RFT1: variants seen among roughly 807,000 people sequenced by gnomAD.
The protein encoded by RFT1 is man(5)GlcNAc(2)-PP-dolichol translocation protein RFT1.
Under a neutral mutation model 62.2 loss-of-function variants are expected in RFT1, and 43 were observed. That is an observed-to-expected ratio of 0.69 (90% confidence interval 0.54 to 0.89). The LOEUF (loss-of-function observed/expected upper bound fraction) is 0.89, where lower values mean the gene tolerates loss of function less well. RFT1 is among the 40% of genes least tolerant of loss of function. The pLI, the probability that RFT1 is intolerant of heterozygous loss-of-function variation, is 0.00. For synonymous variants in RFT1, 262 were observed against 264.6 expected, an observed-to-expected ratio of 0.99 and a Z score of 0.10; for missense variants, 605 against 649.9, an observed-to-expected ratio of 0.93 and a Z score of 0.75.
chr3:53,129,761 T>A (rs1428355129), intron 1 of RFT1, among the ~76,000 whole-genome samples: 1 of 152,186 alleles, frequency 6.6e-6, no homozygotes, highest in South Asian at 2.1e-4. Flanking sequence ...GGTACTGTGT[T>A]AAGTACGTTT....
chr3:53,127,286 C>T (rs1221116541), intron 1 of RFT1, among the ~76,000 whole-genome samples: 1 of 152,128 alleles, frequency 6.6e-6, no homozygotes, highest in Non-Finnish European at 1.5e-5. Context: ...GCTCTTCTAT[C>T]TGTTATCTTC....
intron 11 of RFT1, among the ~76,000 whole-genome samples, chr3:53,095,282 T>C (rs1363868464): frequency 6.6e-6 from 1 of 152,148 alleles, no homozygotes; most frequent in Non-Finnish European, 1.5e-5. Flanking sequence ...AATCACTTTT[T>C]AAAATCAAAG....
Position 53,105,660 on chromosome 3 carries a change from G to GAT in RFT1, c.957+12_957+13insAT. On this transcript the variant is annotated intron_variant, in intron 9 of 12. Coordinates refer to ENST00000296292, the MANE Select transcript of RFT1 (RefSeq NM_052859.4). The stretch of plus-strand genomic sequence containing the variant: ...AGAATTCACTTGAGAGATGACATAA[G>GAT]AACCAACATTACCTGCTTCTGAAGT... 2 of 1,612,870 alleles carry GAT rather than the reference G, an allele frequency of 1.2e-6. No homozygotes were observed. The highest frequency in any genetic ancestry group is 1.7e-6 in the Non-Finnish European group (2 of 1,179,228).
Position 53,091,648 on chromosome 3 carries a change from T to G in RFT1, c.*255A>C. 2.0e-6 allele frequency: 1 copy of G among 506,284 alleles called. No homozygotes were observed. The highest frequency in any genetic ancestry group is 2.2e-5 in the South Asian group (1 of 45,898). The allele number at this position is 506,284 out of a possible 1,614,324, so 31.4% of individuals were successfully genotyped here. On this transcript the variant is annotated 3_prime_UTR_variant, in exon 13 of 13. Transcript: ENST00000296292. The stretch of plus-strand genomic sequence containing the variant: ...ATATTAGTAAAAGAGAAAATGCTGA[T>G]TACTATAAAATGATAAAAAACTATT...
At chr3:53,074,018 G>A in the RFT1 span, among the ~76,000 whole-genome samples, 26 of 152,320 alleles carry the variant, frequency 1.7e-4, no homozygotes, top group Non-Finnish European at 2.8e-4. Flanking sequence ...GCGGGGCCCC[G>A]GTGAGGCAGG....
chr3:53,091,865 C>T lies in RFT1; in HGVS notation c.*38G>A, dbSNP rs1218867853. On this transcript the variant is annotated 3_prime_UTR_variant, in exon 13 of 13. Transcript: ENST00000296292. ...GTTCCACCCACAGAACTACCCATAG[C>T]TGGTCCAGGTGCCTCGGGTGTCCAG... The T allele has an allele frequency of 1.2e-6, 2 of 1,609,302 alleles. No homozygotes were observed. The highest frequency in any genetic ancestry group is 1.7e-6 in the Non-Finnish European group (2 of 1,176,296).
chr3:53,077,234 T>A, the RFT1 span, among the ~76,000 whole-genome samples: 1 of 152,188 alleles, frequency 6.6e-6, no homozygotes, highest in Non-Finnish European at 1.5e-5. Context: ...CTGCCCAAGA[T>A]CATGGTGTAA....
chr3:53,108,810 A>G (rs1242697218), intron 7 of RFT1, among the ~76,000 whole-genome samples: 7 of 151,548 alleles, frequency 4.6e-5, no homozygotes, highest in Non-Finnish European at 1.0e-4. Flanking sequence ...CTGGGATAAC[A>G]GGCGCCTGCC....
chr3:53,103,128 T>C, intron 10 of RFT1: 1 of 985,418 alleles, frequency 1.0e-6, no homozygotes, highest in Non-Finnish European at 1.2e-6. Flanking sequence ...TGGCCCTTCC[T>C]CCCCTAACAC....
At chr3:53,078,157 T>G in the RFT1 span, 75 of 152,298 alleles carry the variant, frequency 4.9e-4, 1 homozygote, top group African/African-American at 1.8e-3. Context: ...CTTGGAGGAC[T>G]CTGTGTCAGG....
the RFT1 span, among the ~76,000 whole-genome samples, chr3:53,075,658 T>C: frequency 5.3e-5 from 8 of 152,282 alleles, no homozygotes; most frequent in South Asian, 2.1e-4. Context: ...CTTAAGGACT[T>C]GGGCCACCAA....
At chr3:53,110,423 GC>G (rs560414223) in intron 7 of RFT1, among the ~76,000 whole-genome samples, 12 of 152,210 alleles carry the variant, frequency 7.9e-5, no homozygotes, top group Non-Finnish European at 1.6e-4. Flanking sequence ...AAGTGCTCAG[GC>G]CCTTCACTCA....
chr3:53,078,964 G>A, the RFT1 span, among the ~76,000 whole-genome samples: 1 of 152,334 alleles, frequency 6.6e-6, no homozygotes, highest in South Asian at 2.1e-4. Context: ...AAAAGGCAAA[G>A]CTACCTGCTA....
intron 3 of RFT1, 65 bp downstream of exon 3, chr3:53,123,659 T>C: frequency 1.5e-6 from 2 of 1,296,582 alleles, no homozygotes; most frequent in Non-Finnish European, 2.2e-6. Flanking sequence ...CGTGTTACTG[T>C]TTCATTTCCA....
intron 10 of RFT1, among the ~76,000 whole-genome samples, chr3:53,101,310 C>A (rs536357323): frequency 3.9e-5 from 6 of 152,170 alleles, no homozygotes; most frequent in African/African-American, 7.2e-5. Context: ...GCTCTGCACC[C>A]GGGAGGCTCA....
At chr3:53,127,902 C>A (rs1702155556) in intron 1 of RFT1, among the ~76,000 whole-genome samples, 1 of 152,032 alleles carries the variant, frequency 6.6e-6, no homozygotes, top group Admixed American at 6.5e-5. Flanking sequence ...CAAATTCTTG[C>A]AGAATAAAAT....
chr3:53,087,237 A>T (rs560414974), downstream of RFT1, among the ~76,000 whole-genome samples: 1 of 152,330 alleles, frequency 6.6e-6, no homozygotes, highest in African/African-American at 2.4e-5. Flanking sequence ...ACTCTCTCAA[A>T]AAATAAATAA....
chr3:53,092,975 G>A (rs1018054911), intron 11 of RFT1, among the ~76,000 whole-genome samples: 1 of 152,232 alleles, frequency 6.6e-6, no homozygotes, highest in Non-Finnish European at 1.5e-5. Flanking sequence ...CAGGCCCTGT[G>A]AGGAGTGCTG....
intron 10 of RFT1, among the ~76,000 whole-genome samples, chr3:53,101,707 C>A (rs1701319849): frequency 6.6e-6 from 1 of 152,134 alleles, no homozygotes; most frequent in Non-Finnish European, 1.5e-5. Flanking sequence ...GTCATTAGGG[C>A]AGGCCCTGAT....
Sources: allele counts gnomAD v4.1 joint callset (sites outside exome capture counted in the v4.1 genomes callset), GRCh38; gene constraint gnomAD v4.1.1; transcripts MANE v1.5; gene names NCBI Gene and HGNC (gene_info 2026-07-23, HGNC 2026-07-21).